The following CREB5 variants were observed in gnomAD, a reference collection of about 807,000 sequenced individuals.
CREB5 encodes the protein cyclic AMP-responsive element-binding protein 5.
Under a neutral mutation model 57.1 loss-of-function variants are expected in CREB5, and 19 were observed. The observed-to-expected ratio is 0.33, with a 90% CI of 0.23 to 0.49. The LOEUF (loss-of-function observed/expected upper bound fraction) is 0.49, where lower values mean the gene tolerates loss of function less well. Among genes scored for constraint, CREB5 ranks in the 20% least tolerant of loss-of-function variants. The pLI is 0.99. For synonymous variants in CREB5, 238 were observed against 238.3 expected, an observed-to-expected ratio of 1.00 and a Z score of 0.01; for missense variants, 579 against 671.6, an observed-to-expected ratio of 0.86 and a Z score of 1.52.
At chr7:28,541,770 A>G (rs1176120962) in intron 4 of CREB5, among the ~76,000 whole-genome samples, 1 of 152,232 alleles carries the variant, frequency 6.6e-6, no homozygotes, top group African/African-American at 2.4e-5. Context: ...TGTTGAAAAT[A>G]TACACCTGTC....
rs1318495273 is a variant in CREB5 at position 28,554,800 on chromosome 7, A to G, written c.292-15565A>G. On this transcript the variant is annotated intron_variant, in intron 4 of 10. Coordinates refer to ENST00000357727, the MANE Select transcript of CREB5 (RefSeq NM_182898.4). ...GACCCTTTATTTGGCTAAGTGTGCC[A>G]CAAGCTCTAGGTATGCTCTATATGT... 1.3e-5 allele frequency among the ~76,000 whole-genome samples: 2 copies of G among 152,292 alleles called. 1 individual carries two copies. Among genetic ancestry groups the G allele is most frequent in the African/African-American group, 4.8e-5 (2 of 41,562 alleles).
intron 1 of CREB5, among the ~76,000 whole-genome samples, chr7:28,447,232 A>G (rs965844765): frequency 6.6e-6 from 1 of 152,248 alleles, no homozygotes; most frequent in Non-Finnish European, 1.5e-5. Context: ...GAAATACGGT[A>G]AACAGTAAAT....
chr7:28,551,117 G>A (rs1794625305), intron 4 of CREB5, among the ~76,000 whole-genome samples: 1 of 151,686 alleles, frequency 6.6e-6, no homozygotes, highest in African/African-American at 2.4e-5. Flanking sequence ...CCAGTGCCAA[G>A]CCGATTGGTA....
At chr7:28,311,516 A>G (rs1369911974) in intron 1 of CREB5, among the ~76,000 whole-genome samples, 1 of 152,200 alleles carries the variant, frequency 6.6e-6, no homozygotes, top group Non-Finnish European at 1.5e-5. Context: ...CCTTTTACAC[A>G]TTTAAAACGT....
chr7:28,808,667 T>C (rs1808898156), intron 8 of CREB5, among the ~76,000 whole-genome samples: 1 of 150,380 alleles, frequency 6.6e-6, no homozygotes, highest in African/African-American at 2.5e-5. Context: ...GCCTCCTGAG[T>C]AGCTAGGACT....
At chr7:28,608,113 T>TCTCTCTCACA (rs1484747649) in intron 5 of CREB5, among the ~76,000 whole-genome samples, 9 of 143,176 alleles carry the variant, frequency 6.3e-5, no homozygotes, top group African/African-American at 2.4e-4. Context: ...TCTCTCTCTC[T>TCTCTCTCACA]CACACACACT....
At chr7:28,471,179 T>G (rs1790788945) in intron 1 of CREB5, among the ~76,000 whole-genome samples, 1 of 152,226 alleles carries the variant, frequency 6.6e-6, no homozygotes, top group African/African-American at 2.4e-5. Context: ...TTTCCAATGT[T>G]TTCTTGTAGT....
At chr7:28,341,935 A>G (rs1785944992) in intron 1 of CREB5, among the ~76,000 whole-genome samples, 1 of 152,218 alleles carries the variant, frequency 6.6e-6, no homozygotes, top group Non-Finnish European at 1.5e-5. Context: ...GTTGATATTG[A>G]TGGACAGTTA....
intron 5 of CREB5, among the ~76,000 whole-genome samples, chr7:28,649,290 T>C (rs1799032289): frequency 6.6e-6 from 1 of 152,218 alleles, no homozygotes; most frequent in South Asian, 2.1e-4. Flanking sequence ...TCCCACAAGC[T>C]AAGAATAGTT....
intron 5 of CREB5, among the ~76,000 whole-genome samples, chr7:28,714,490 C>T (rs527413961): frequency 8.5e-5 from 13 of 152,268 alleles, no homozygotes; most frequent in South Asian, 6.2e-4. Context: ...ACCTTCCAGA[C>T]GAAAGCACTG....
intron 5 of CREB5, among the ~76,000 whole-genome samples, chr7:28,587,598 T>C (rs1023623724): frequency 6.6e-6 from 1 of 152,152 alleles, no homozygotes; most frequent in African/African-American, 2.4e-5. Flanking sequence ...AAAATCCTGA[T>C]ATAAAGTTCT....
intron 1 of CREB5, among the ~76,000 whole-genome samples, chr7:28,346,029 G>A (rs528431004): frequency 3.3e-4 from 50 of 152,282 alleles, no homozygotes; most frequent in African/African-American, 1.1e-3. Flanking sequence ...GGGGGGCACC[G>A]TAGTGATGGG....
At chr7:28,546,275 T>G (rs1328171992) in intron 4 of CREB5, among the ~76,000 whole-genome samples, 2 of 152,240 alleles carry the variant, frequency 1.3e-5, no homozygotes. Context: ...TACCACATGT[T>G]GTTTATCCAT....
intron 4 of CREB5, among the ~76,000 whole-genome samples, chr7:28,556,381 G>A (rs949468361): frequency 2.0e-5 from 3 of 152,098 alleles, no homozygotes; most frequent in Non-Finnish European, 2.9e-5. Flanking sequence ...ACGCTTGCCC[G>A]AGCTCATCTT....
chr7:28,802,782 G>A (rs1319658400), intron 7 of CREB5, among the ~76,000 whole-genome samples: 3 of 152,210 alleles, frequency 2.0e-5, no homozygotes, highest in African/African-American at 7.2e-5. Context: ...ATGGCCCAAG[G>A]GCCAAATCTG....
rs549150868 is a variant in CREB5 at position 28,662,146 on chromosome 7, AC to A, written c.465-56606del. ...CTTTGTAAAATCACTACAAGAGTAG[AC>A]AAAAAAGGAGCAGAAGAAAAGCCAG... is the stretch of plus-strand genomic sequence containing the variant. On this transcript the variant is annotated intron_variant, in intron 5 of 10. Transcript: ENST00000357727. Among the ~76,000 whole-genome samples, 74 of 152,302 alleles carry A rather than the reference AC, an allele frequency of 4.9e-4. 1 individual carries two copies. The South Asian group carries it at 0.014, about 29-fold the overall frequency.
At chr7:28,445,831 G>T (rs532342349) in intron 1 of CREB5, among the ~76,000 whole-genome samples, 72 of 152,268 alleles carry the variant, frequency 4.7e-4, no homozygotes, top group African/African-American at 1.7e-3. Context: ...GATTACAGGC[G>T]TGAGCCACTG....
intron 1 of CREB5, among the ~76,000 whole-genome samples, chr7:28,301,699 T>G (rs982465449): frequency 1.3e-5 from 2 of 152,246 alleles, no homozygotes; most frequent in Non-Finnish European, 2.9e-5. Flanking sequence ...GTATTGCCAG[T>G]CCTAATCTTA....
chr7:28,683,319 G>T (rs536411783), intron 5 of CREB5, among the ~76,000 whole-genome samples: 1 of 152,264 alleles, frequency 6.6e-6, no homozygotes, highest in South Asian at 2.1e-4. Context: ...CTTTTCAAGT[G>T]GGGAGGCACC....
Sources: allele counts gnomAD v4.1 joint callset (sites outside exome capture counted in the v4.1 genomes callset), GRCh38; gene constraint gnomAD v4.1.1; transcripts MANE v1.5; gene names NCBI Gene and HGNC (gene_info 2026-07-23, HGNC 2026-07-21).